HYOU1: variants seen among roughly 807,000 people sequenced by gnomAD.
The protein encoded by HYOU1 is hypoxia up-regulated 1, also known as hypoxia up-regulated protein 1.
Under a neutral mutation model 120.5 loss-of-function variants are expected in HYOU1, and 40 were observed. The ratio of observed to expected loss-of-function variants is 0.33; its 90% CI spans 0.26 to 0.43. The LOEUF (loss-of-function observed/expected upper bound fraction) is 0.43, where lower values mean the gene tolerates loss of function less well. Ranked by LOEUF, HYOU1 falls within the 20% of genes least tolerant of loss-of-function variation. HYOU1 has a pLI of 1.00. For synonymous variants in HYOU1, 501 were observed against 479.4 expected, an observed-to-expected ratio of 1.05 and a Z score of -0.59; for missense variants, 1,085 against 1,278.3, an observed-to-expected ratio of 0.85 and a Z score of 2.31.
chr11:119,044,197 G>T lies in HYOU1; in HGVS notation c.*1396C>A, dbSNP rs193219264. ...CTCACAGCACAAAAACTGTAGAAAAGAATATTTTATTGAAACAGTTTCTCA... is the reference window on the plus strand; with the variant it reads ...CTCACAGCACAAAAACTGTAGAAAATAATATTTTATTGAAACAGTTTCTCA... On this transcript the variant is annotated 3_prime_UTR_variant, in exon 26 of 26. Transcript: ENST00000617285. The T allele has an allele frequency of 1.8e-4, 28 of 151,580 alleles. No individual in the cohort carries two copies. In the East Asian group the frequency reaches 5.4e-3, roughly 29 times the overall value. 9.4% of individuals were successfully genotyped at this position (151,580 alleles called of 1,614,324 possible). A position where few individuals can be genotyped will look rare whatever the true frequency, so the allele number is the denominator to read the frequency against.
chr11:119,052,843 G>A lies in HYOU1; in HGVS notation c.795-14C>T. 1 of 1,603,776 alleles carries A rather than the reference G, an allele frequency of 6.2e-7. No homozygotes were observed. Among genetic ancestry groups the A allele is most frequent in the Non-Finnish European group, 8.5e-7 (1 of 1,175,166 alleles). ...GTACGGTCAAATCTGTTGAGAAAAG[G>A]GAGCAGGGAAAAAAGTGAAGAACAC... On this transcript the variant is annotated splice_polypyrimidine_tract_variant and intron_variant, in intron 8 of 25. Transcript: ENST00000617285. The surrounding 1 kb of genome is among the most constrained non-coding windows in gnomAD (Gnocchi z 5.0).
At chr11:119,054,333 A>G in intron 7 of HYOU1, 97 bp from the exon 8 acceptor site, 2 of 1,226,154 alleles carry the variant, frequency 1.6e-6, no homozygotes, top group Non-Finnish European at 2.4e-6. Context: ...TCTGACTCTT[A>G]ACACAAAACT....
chr11:119,048,314 C>A lies in HYOU1; in HGVS notation c.2310G>T (p.Glu770Asp). 6.2e-7 allele frequency: 1 copy of A among 1,610,902 alleles called. No homozygotes were observed. Among genetic ancestry groups the A allele is most frequent in the Non-Finnish European group, 8.5e-7 (1 of 1,179,964 alleles). Reference sequence around the variant, plus strand: ...ATGCGGCGCTGAGCTTCCCAGAGATCTCCTCACGCTGCTCCTCTGTGGACA... The same window carrying A: ...ATGCGGCGCTGAGCTTCCCAGAGATATCCTCACGCTGCTCCTCTGTGGACA... ...QEVSTEEQRE[E>D]ISGKLSAAST... Residue 770 changes from glutamate to aspartate, a missense_variant, in exon 20 of 26, where the codon GAG becomes GAT. By Grantham distance (45) the Glu-to-Asp change is conservative (BLOSUM62 2). Coordinates refer to ENST00000617285, the MANE Select transcript of HYOU1 (RefSeq NM_006389.5). The surrounding 1 kb of genome is among the most constrained non-coding windows in gnomAD (Gnocchi z 4.7).
chr11:119,055,541 C>A lies in HYOU1; in HGVS notation c.216G>T (p.Val72=). ...KESRRKTPVI[V]TLKENERFFG... is the part of the protein sequence containing the mutation. ...AGAATCTTTCATTTTCTTTCAGGGT[C>A]ACGATCACCGGTGTTTTCCTCCGAG... is the stretch of plus-strand genomic sequence containing the variant. Residue 72 remains valine (V), a synonymous_variant, in exon 4 of 26, where the codon GTG becomes GTT. Coordinates refer to ENST00000617285, the MANE Select transcript of HYOU1 (RefSeq NM_006389.5). This position sits in a 1 kb window ranked among gnomAD's most constrained non-coding sequence, Gnocchi z 4.0. 6.2e-7 allele frequency: 1 copy of A among 1,614,062 alleles called. No homozygotes were observed. Among genetic ancestry groups the A allele is most frequent in the Non-Finnish European group, 8.5e-7 (1 of 1,179,998 alleles).
At chr11:119,053,030 C>CA (rs1425308429) in intron 8 of HYOU1, 2 of 550,176 alleles carry the variant, frequency 3.6e-6, no homozygotes, top group African/African-American at 3.8e-5. Flanking sequence ...TTCTTCCACT[C>CA]ATTCATTCGA....
Position 119,049,555 on chromosome 11 carries a change from C to A in HYOU1, c.1806+1G>T. On this transcript the variant is annotated splice_donor_variant, in intron 16 of 25. Coordinates refer to ENST00000617285, the MANE Select transcript of HYOU1 (RefSeq NM_006389.5). LOFTEE classifies it high-confidence loss of function. ...CTTCCCTGGCTCCATCCTGAACTCA[C>A]CTGGACAGTATCAGTACCATTCTCC... 1 of 1,614,116 alleles carries A rather than the reference C, an allele frequency of 6.2e-7. No homozygotes were observed. The highest frequency in any genetic ancestry group is 8.5e-7 in the Non-Finnish European group (1 of 1,179,980).
rs1370377831 is a variant in HYOU1, at chr11:119,051,563, C to T, written c.1401G>A (p.Arg467=). 1 of 1,614,092 alleles carries T rather than the reference C, an allele frequency of 6.2e-7. No homozygotes were observed. The highest frequency in any genetic ancestry group is 1.1e-5 in the South Asian group (1 of 91,074). ...AGGGCCCCATCCGAGAGAAGAGTAC[C>T]CGTTTATTGTGCTTCAGGCTGTGAA... is the stretch of plus-strand genomic sequence containing the variant. ...PGIHSLKHNK[R]VLFSRMGPYP... Residue 467 remains arginine (R), a synonymous_variant, in exon 13 of 26, where the codon CGG becomes CGA. Coordinates refer to ENST00000617285, the MANE Select transcript of HYOU1 (RefSeq NM_006389.5). This position sits in a 1 kb window ranked among gnomAD's most constrained non-coding sequence, Gnocchi z 4.2.
At position 119,052,115 on chromosome 11, in the gene HYOU1, C is replaced by T; in HGVS notation, c.1180G>A (p.Glu394Lys). The change falls in exon 11 of 26, where the codon GAG becomes AAG. Residue 394 changes from glutamate (E) to lysine (K), a missense_variant. This residue lies in a region of HYOU1 where 515 missense variants were observed against 677.8 expected (regional missense o/e 0.76). Coordinates refer to ENST00000617285, the MANE Select transcript of HYOU1 (RefSeq NM_006389.5). This position sits in a 1 kb window ranked among gnomAD's most constrained non-coding sequence, Gnocchi z 5.0. ...GGATRVPRVQ[E>K]VLLKAVGKEE... Reference sequence around the variant, plus strand: ...TTGCCCACGGCCTTCAGCAGCACCTCCTGAACTCTGGGGACCCGAGTGGCC... The same window carrying T: ...TTGCCCACGGCCTTCAGCAGCACCTTCTGAACTCTGGGGACCCGAGTGGCC... The T allele has an allele frequency of 3.7e-6, 6 of 1,614,208 alleles. No homozygotes were observed. The highest frequency in any genetic ancestry group is 5.1e-6 in the Non-Finnish European group (6 of 1,180,044).
chr11:119,055,705 C>G lies in HYOU1; in HGVS notation c.185+45G>C. On this transcript the variant is annotated intron_variant, in intron 3 of 25. Transcript: ENST00000617285. The surrounding 1 kb of genome is among the most constrained non-coding windows in gnomAD (Gnocchi z 4.0). The stretch of plus-strand genomic sequence containing the variant: ...TGACTAACACATTCACACTTGGAGC[C>G]CAGACTCCCTCGTTCCCCACCCTTA... 6.4e-7 allele frequency: 1 copy of G among 1,557,534 alleles called. No homozygotes were observed. Among genetic ancestry groups the G allele is most frequent in the African/African-American group, 1.4e-5 (1 of 73,800 alleles).
intron 8 of HYOU1, 43 bp downstream of exon 8, chr11:119,054,078 G>A: frequency 8.0e-7 from 1 of 1,251,234 alleles, no homozygotes; most frequent in Non-Finnish European, 1.2e-6. Context: ...CCCCTGACTT[G>A]AGGGTCTTCA....
Position 119,048,256 on chromosome 11 carries a change from T to C in HYOU1, c.2368A>G (p.Thr790Ala), listed in dbSNP as rs2133562140. The change falls in exon 20 of 26, where the codon ACC becomes GCC. Residue 790 changes from threonine to alanine, a missense_variant. Coordinates refer to ENST00000617285, the MANE Select transcript of HYOU1 (RefSeq NM_006389.5). The surrounding 1 kb of genome is among the most constrained non-coding windows in gnomAD (Gnocchi z 4.7). ...TWLEDEGVGA[T>A]TVMLKEKLAE... ...CCTGAGAGGCCCCTCACCACTGTGGTGGCTCCAACACCCTCATCCTCCAGC... is the reference window on the plus strand; with the variant it reads ...CCTGAGAGGCCCCTCACCACTGTGGCGGCTCCAACACCCTCATCCTCCAGC... The C allele has an allele frequency of 6.2e-7, 1 of 1,611,158 alleles. No individual in the cohort carries two copies. The highest frequency in any genetic ancestry group is 8.5e-7 in the Non-Finnish European group (1 of 1,179,944).
At chr11:119,056,520 G>A in intron 1 of HYOU1, 2 of 383,942 alleles carry the variant, frequency 5.2e-6, no homozygotes, top group East Asian at 6.8e-5. Flanking sequence ...CTGGGGTGCG[G>A]CCAGGGATCC....
intron 1 of HYOU1, 115 bp from the exon 2 acceptor site, chr11:119,056,282 G>T (rs782439274): frequency 1.3e-6 from 1 of 775,022 alleles, no homozygotes; most frequent in Non-Finnish European, 2.2e-6. Flanking sequence ...TTCTTACCCA[G>T]GGCAGATCAG....
intron 24 of HYOU1, 145 bp downstream of exon 24, chr11:119,046,265 CTTTTTTT>C (rs11349624): frequency 1.0e-5 from 5 of 494,768 alleles, no homozygotes; most frequent in Middle Eastern, 5.7e-4. Context: ...CGTGCCTGGC[CTTTTTTT>C]TTTTTTTTTT....
chr11:119,048,588 A>T lies in HYOU1; in HGVS notation c.2166-25T>A. Reference sequence around the variant, plus strand: ...TCTATGGGACAAAGGAGGGGTAGGGATGAGGGAGAGGGCAAGTGAGAACTT... The same window carrying T: ...TCTATGGGACAAAGGAGGGGTAGGGTTGAGGGAGAGGGCAAGTGAGAACTT... On this transcript the variant is annotated intron_variant, in intron 18 of 25. Coordinates refer to ENST00000617285, the MANE Select transcript of HYOU1 (RefSeq NM_006389.5). This position sits in a 1 kb window ranked among gnomAD's most constrained non-coding sequence, Gnocchi z 4.7. 2 of 1,612,876 alleles carry T rather than the reference A, an allele frequency of 1.2e-6. No homozygotes were observed. The highest frequency in any genetic ancestry group is 1.7e-6 in the Non-Finnish European group (2 of 1,179,212).
At chr11:119,046,519 C>T (rs2133550629) in intron 23 of HYOU1, 43 bp downstream of exon 23, 1 of 1,614,090 alleles carries the variant, frequency 6.2e-7, no homozygotes, top group Non-Finnish European at 8.5e-7. Context: ...AGGAGGCTGT[C>T]TCCCTGTCCA....
At chr11:119,047,610 CTT>C (rs1944161411) in intron 22 of HYOU1, 122 bp downstream of exon 22, 1 of 805,332 alleles carries the variant, frequency 1.2e-6, no homozygotes, top group South Asian at 1.6e-5. Context: ...ATACAAACAT[CTT>C]TTGTCTTCAG....
chr11:119,049,827 A>G lies in HYOU1; in HGVS notation c.1676T>C (p.Val559Ala). Residue 559 changes from valine to alanine, a missense_variant, in exon 15 of 26, where the codon GTA becomes GCA. Val to Ala is a moderately conservative substitution (Grantham distance 64, BLOSUM62 0). Around this residue, in one of 4 missense-constraint regions of HYOU1, gnomAD observed 515 missense variants for 677.8 expected, o/e 0.76. Coordinates refer to ENST00000617285, the MANE Select transcript of HYOU1 (RefSeq NM_006389.5). The stretch of plus-strand genomic sequence containing the variant: ...GCTGTCCTCTACCAGTGTCTCAAAT[A>G]CAGACTCCACCTGAAAACAGGTTCA... The part of the protein sequence containing the change: ...GVLSLDRVES[V>A]FETLVEDSAE... 1 of 1,613,950 alleles carries G rather than the reference A, an allele frequency of 6.2e-7. No homozygotes were observed. Among genetic ancestry groups the G allele is most frequent in the East Asian group, 2.2e-5 (1 of 44,874 alleles).
Position 119,052,362 on chromosome 11 carries a change from C to T in HYOU1, c.1055G>A (p.Cys352Tyr). Reference protein sequence around the residue: ...KVTRVEFEELCADLFERVPGP... With the variant: ...KVTRVEFEELYADLFERVPGP... ...AGGCACCCGCTCAAACAAGTCTGCACACAACTCCTCAAATTCCACACGAGT... is the reference window on the plus strand; with the variant it reads ...AGGCACCCGCTCAAACAAGTCTGCATACAACTCCTCAAATTCCACACGAGT... The change falls in exon 10 of 26, where the codon TGT becomes TAT. Residue 352 changes from cysteine (C) to tyrosine (Y), a missense_variant. By Grantham distance (194) the Cys-to-Tyr change is radical (BLOSUM62 -2). Coordinates refer to ENST00000617285, the MANE Select transcript of HYOU1 (RefSeq NM_006389.5). This position sits in a 1 kb window ranked among gnomAD's most constrained non-coding sequence, Gnocchi z 5.0. The T allele has an allele frequency of 6.2e-7, 1 of 1,614,242 alleles. No homozygotes were observed.
Sources: allele counts gnomAD v4.1 joint callset, GRCh38; gene constraint gnomAD v4.1.1; regional missense constraint gnomAD v4.1.1; non-coding constraint Gnocchi (gnomAD v3.1); transcripts MANE v1.5; gene names NCBI Gene and HGNC (gene_info 2026-07-23, HGNC 2026-07-21).